The following ARID2 variants were observed in gnomAD, a reference collection of about 807,000 sequenced individuals.
ARID2 encodes AT-rich interactive domain-containing protein 2.
A neutral mutation model predicts 184.6 loss-of-function variants in ARID2; 32 were observed. The observed-to-expected ratio is 0.17, with a 90% confidence interval of 0.13 to 0.23. The LOEUF (loss-of-function observed/expected upper bound fraction) is 0.23. Among genes scored for constraint, ARID2 ranks in the 10% least tolerant of loss-of-function variants. ARID2 has a pLI of 1.00. For synonymous variants in ARID2, 836 were observed against 772.6 expected, an observed-to-expected ratio of 1.08 and a Z score of -1.36; for missense variants, 1,696 against 2,197.6, an observed-to-expected ratio of 0.77 and a Z score of 4.56.
At position 45,892,087 on chromosome 12, in the gene ARID2, C is replaced by T. The variant is rs150531382; in HGVS notation, c.5138C>T (p.Ser1713Phe). ...CCAGGACAAGCAGGAAGTCAGAAGT[C>T]TTCTACCAAGTAAGGAAAATGAGTT... ...DEPGQAGSQK[S>F]STKQPTVGGT... is the part of the protein sequence containing the mutation. Residue 1713 changes from serine to phenylalanine, a missense_variant, in exon 18 of 21, where the codon TCT becomes TTT. By Grantham distance (155) the Ser-to-Phe change is radical. Transcript: ENST00000334344. 3.7e-6 allele frequency: 6 copies of T among 1,613,154 alleles called. No homozygotes were observed. The highest frequency in any genetic ancestry group is 4.2e-6 in the Non-Finnish European group (5 of 1,179,704).
At chr12:45,853,345 T>C (rs547769198) in intron 15 of ARID2, among the ~76,000 whole-genome samples, 31 of 152,252 alleles carry the variant, frequency 2.0e-4, no homozygotes, top group Non-Finnish European at 4.1e-4. Flanking sequence ...TTGTAATAAC[T>C]TTATCAGTCG....
chr12:45,849,050 T>C, intron 13 of ARID2, 80 bp downstream of exon 13: 1 of 1,449,404 alleles, frequency 6.9e-7, no homozygotes, highest in Non-Finnish European at 9.3e-7. Context: ...ATACCAAATA[T>C]CTTATCTAGT....
At chr12:45,782,898 C>T (rs1286443097) in intron 3 of ARID2, among the ~76,000 whole-genome samples, 6 of 151,384 alleles carry the variant, frequency 4.0e-5, no homozygotes, top group African/African-American at 1.5e-4. Flanking sequence ...CACTTGAGCT[C>T]AGGAGTTCGA....
chr12:45,770,315 CAG>C (rs1212343658), intron 3 of ARID2, among the ~76,000 whole-genome samples: 3 of 152,006 alleles, frequency 2.0e-5, no homozygotes, highest in South Asian at 2.1e-4. Context: ...AAACAAAACT[CAG>C]AGAATTTGTT....
At chr12:45,790,500 TG>T (rs1452662541) in intron 3 of ARID2, among the ~76,000 whole-genome samples, 2 of 152,354 alleles carry the variant, frequency 1.3e-5, no homozygotes, top group Non-Finnish European at 2.9e-5. Flanking sequence ...TACTGTTTTA[TG>T]ATTTTCTTTG....
intron 20 of ARID2, among the ~76,000 whole-genome samples, chr12:45,901,154 ATTTTTTTTTTTT>A (rs71067909): frequency 1.3e-4 from 6 of 44,972 alleles, no homozygotes; most frequent in African/African-American, 2.8e-4. Context: ...AATTTCCTTA[ATTTTTTTTTTTT>A]TTTTTTTTTT....
At chr12:45,794,392 TA>T (rs1397334176) in intron 3 of ARID2, among the ~76,000 whole-genome samples, 4 of 152,264 alleles carry the variant, frequency 2.6e-5, no homozygotes, top group African/African-American at 9.6e-5. Context: ...ACATCTTGCA[TA>T]AATGACCTAC....
intron 6 of ARID2, among the ~76,000 whole-genome samples, chr12:45,831,042 C>CAA (rs768114802): frequency 3.7e-5 from 3 of 81,588 alleles, no homozygotes; most frequent in Non-Finnish European, 8.0e-5. Context: ...GAGACTCTGT[C>CAA]AAAAAAAAAA....
intron 3 of ARID2, among the ~76,000 whole-genome samples, chr12:45,732,078 T>G (rs562286697): frequency 3.3e-5 from 5 of 151,976 alleles, no homozygotes; most frequent in Admixed American, 6.6e-5. Flanking sequence ...AGCGTTTTTT[T>G]TTTTGCCTCT....
intron 3 of ARID2, among the ~76,000 whole-genome samples, chr12:45,800,680 T>A (rs961314218): frequency 2.6e-5 from 4 of 151,824 alleles, no homozygotes; most frequent in Non-Finnish European, 5.9e-5. Context: ...GAAAGAGGGA[T>A]TCTAGGGCTG....
chr12:45,896,621 A>T (rs1944371036), intron 20 of ARID2, among the ~76,000 whole-genome samples: 1 of 152,130 alleles, frequency 6.6e-6, no homozygotes, highest in Admixed American at 6.5e-5. Context: ...AAAGTCCAAT[A>T]AACCTCTTTC....
chr12:45,891,399 A>C (rs1021110223), intron 16 of ARID2, among the ~76,000 whole-genome samples: 1 of 152,202 alleles, frequency 6.6e-6, no homozygotes, highest in Non-Finnish European at 1.5e-5. Flanking sequence ...ACATGGACAG[A>C]CATATAAATG....
chr12:45,835,945 G>A (rs1334804550), intron 6 of ARID2, among the ~76,000 whole-genome samples: 1 of 151,514 alleles, frequency 6.6e-6, no homozygotes, highest in African/African-American at 2.4e-5. Context: ...ATTTCCAGTA[G>A]TGTTTAATGT....
chr12:45,794,404 A>G (rs964748318), intron 3 of ARID2, among the ~76,000 whole-genome samples: 7 of 152,224 alleles, frequency 4.6e-5, no homozygotes, highest in Non-Finnish European at 7.3e-5. Context: ...AATGACCTAC[A>G]TTGGAACCCT....
intron 16 of ARID2, among the ~76,000 whole-genome samples, chr12:45,885,013 A>G (rs1467901155): frequency 6.6e-6 from 1 of 151,926 alleles, no homozygotes; most frequent in East Asian, 1.9e-4. Context: ...TGTATTTATA[A>G]TGTTTCATCA....
chr12:45,746,491 G>GT (rs111282602), intron 3 of ARID2, among the ~76,000 whole-genome samples: 15,448 of 149,422 alleles, frequency 0.1, 2,551 homozygotes, highest in African/African-American at 0.35. Flanking sequence ...ATATGCTAAA[G>GT]TTTTTTTTTT....
intron 16 of ARID2, among the ~76,000 whole-genome samples, chr12:45,863,831 T>C (rs962154672): frequency 1.5e-5 from 2 of 137,280 alleles, no homozygotes; most frequent in African/African-American, 5.3e-5. Context: ...TTTTTTTCTT[T>C]TTCTTTTTCT....
intron 3 of ARID2, among the ~76,000 whole-genome samples, chr12:45,750,900 G>A (rs935684972): frequency 1.3e-5 from 2 of 152,132 alleles, no homozygotes; most frequent in Admixed American, 1.3e-4. Context: ...ACAAAGTGGT[G>A]GGGCTAGAAT....
At chr12:45,792,321 A>T (rs994541713) in intron 3 of ARID2, among the ~76,000 whole-genome samples, 5 of 152,176 alleles carry the variant, frequency 3.3e-5, no homozygotes, top group African/African-American at 1.2e-4. Flanking sequence ...TTCAAAATAC[A>T]CTTCTTAATT....
Sources: allele counts gnomAD v4.1 joint callset (sites outside exome capture counted in the v4.1 genomes callset), GRCh38; gene constraint gnomAD v4.1.1; transcripts MANE v1.5; gene names NCBI Gene and HGNC (gene_info 2026-07-23, HGNC 2026-07-21).